The following FBN2 variants were observed in gnomAD, a reference collection of about 807,000 sequenced individuals.
FBN2 encodes the protein fibrillin 2.
Under a neutral mutation model 355.6 loss-of-function variants are expected in FBN2, and 105 were observed. The ratio of observed to expected loss-of-function variants is 0.30; its 90% CI spans 0.25 to 0.35. The LOEUF (loss-of-function observed/expected upper bound fraction) is 0.35, where lower values mean the gene tolerates loss of function less well. FBN2 is among the 10% of genes least tolerant of loss of function. FBN2 has a pLI of 1.00. For missense variants in FBN2, 3,280 were observed against 3,758.7 expected, an observed-to-expected ratio of 0.87 and a Z score of 3.33; for synonymous variants, 1,350 against 1,301.2, an observed-to-expected ratio of 1.04 and a Z score of -0.81.
chr5:128,446,542 G>C lies in FBN2; in HGVS notation c.891C>G (p.Gly297=), dbSNP rs539258943. The C allele has an allele frequency of 1.2e-6, 2 of 1,613,796 alleles. No individual in the cohort carries two copies. Among genetic ancestry groups the C allele is most frequent in the East Asian group, 2.2e-5 (1 of 44,856 alleles). The part of the protein sequence containing the change: ...CQGGNCINTV[G]SFECRCPAGH... The stretch of plus-strand genomic sequence containing the variant: ...CAGCAGGGCATCTGCATTCAAAAGA[G>C]CCCACTGTATTGATACAGTTTCCTC... The change falls in exon 7 of 65, where the codon GGC becomes GGG. Residue 297 remains glycine, a synonymous_variant. Coordinates refer to ENST00000262464, the MANE Select transcript of FBN2 (RefSeq NM_001999.4).
Position 128,277,788 on chromosome 5 carries a change from T to C in FBN2, c.7471+92A>G, listed in dbSNP as rs574125090. On this transcript the variant is annotated intron_variant, in intron 58 of 64. Coordinates refer to ENST00000262464, the MANE Select transcript of FBN2 (RefSeq NM_001999.4). ...ATAAAATATATATTCCAAAGCTCCA[T>C]AATAAAGACACTCTACTGATAATGA... is the stretch of plus-strand genomic sequence containing the variant. 3,007 of 1,350,140 alleles carry C rather than the reference T, an allele frequency of 2.2e-3. 5 individuals carry two copies. Among genetic ancestry groups the C allele is most frequent in the Non-Finnish European group, 2.8e-3 (2,621 of 941,322 alleles). 83.6% of individuals were successfully genotyped at this position (1,350,140 alleles called of 1,614,324 possible). A position where few individuals can be genotyped will look rare whatever the true frequency, so the allele number is the denominator to read the frequency against.
chr5:128,411,122 G>A (rs905907884), intron 7 of FBN2, among the ~76,000 whole-genome samples: 9 of 152,242 alleles, frequency 5.9e-5, no homozygotes, highest in Admixed American at 3.9e-4. Flanking sequence ...TGCTGGAGGG[G>A]AGCACACAGG....
Position 128,458,592 on chromosome 5 carries a change from A to G in FBN2, c.826+6132T>C, listed in dbSNP as rs1754471770. On this transcript the variant is annotated intron_variant, in intron 6 of 64. Transcript: ENST00000262464. ...GCAAATGCAAAAGAACTGAAATCAT[A>G]ACAGTCTCTCAGACCACAATGCAAT... is the stretch of plus-strand genomic sequence containing the variant. Among the ~76,000 whole-genome samples, 3 of 152,062 alleles carry G rather than the reference A, an allele frequency of 2.0e-5. No individual in the cohort carries two copies. In the South Asian group the frequency reaches 6.2e-4, roughly 31 times the overall value.
chr5:128,495,536 A>C (rs1755634192), intron 5 of FBN2, among the ~76,000 whole-genome samples: 1 of 152,174 alleles, frequency 6.6e-6, no homozygotes, highest in Admixed American at 6.5e-5. Context: ...ACAAAAAGAC[A>C]ACTGTCAACA....
chr5:128,408,991 C>A (rs1753002329), intron 7 of FBN2, among the ~76,000 whole-genome samples, 192 bp from the exon 8 acceptor site: 1 of 151,964 alleles, frequency 6.6e-6, no homozygotes, highest in Admixed American at 6.6e-5. Flanking sequence ...TGAAAGTAAA[C>A]TCCCATGGCA....
chr5:128,342,992 T>G (rs940417456), intron 25 of FBN2, among the ~76,000 whole-genome samples: 2 of 152,006 alleles, frequency 1.3e-5, no homozygotes, highest in African/African-American at 4.8e-5. Flanking sequence ...CCTCCCAAAG[T>G]GCTGGGGTTA....
intron 7 of FBN2, among the ~76,000 whole-genome samples, chr5:128,414,422 T>C (rs551734952): frequency 8.5e-5 from 13 of 152,322 alleles, no homozygotes; most frequent in African/African-American, 3.1e-4. Context: ...TAGTTTATGT[T>C]TTCAAGGTTC....
chr5:128,408,028 T>C (rs903532812), intron 8 of FBN2, among the ~76,000 whole-genome samples: 4 of 152,174 alleles, frequency 2.6e-5, no homozygotes, highest in Admixed American at 2.0e-4. Context: ...TTTTACCTAT[T>C]GTCAGCTTAA....
At chr5:128,491,736 T>G (rs116050516) in intron 5 of FBN2, among the ~76,000 whole-genome samples, 2,170 of 152,312 alleles carry the variant, frequency 0.014, 56 homozygotes, top group African/African-American at 0.048. Flanking sequence ...AAAGTCTACC[T>G]TGATGAATAA....
At chr5:128,479,966 CTCTCTCTCTCTATA>C (rs1755118439) in intron 5 of FBN2, among the ~76,000 whole-genome samples, 7 of 31,590 alleles carry the variant, frequency 2.2e-4, no homozygotes, top group Non-Finnish European at 2.8e-4. Context: ...CTCTCTCTCT[CTCTCTCTCTCTATA>C]TATATATATA....
intron 5 of FBN2, among the ~76,000 whole-genome samples, chr5:128,470,461 G>A (rs549508580): frequency 1.3e-5 from 2 of 152,228 alleles, no homozygotes; most frequent in East Asian, 3.9e-4. Context: ...TAAGAAAGAA[G>A]GTTTTTATTG....
At chr5:128,485,577 T>C (rs1367837844) in intron 5 of FBN2, among the ~76,000 whole-genome samples, 5 of 152,180 alleles carry the variant, frequency 3.3e-5, no homozygotes, top group South Asian at 2.1e-4. Flanking sequence ...TGGAGACTGA[T>C]AGCATTTATG....
intron 48 of FBN2, among the ~76,000 whole-genome samples, chr5:128,298,916 C>T (rs1749621599): frequency 6.6e-6 from 1 of 152,174 alleles, no homozygotes; most frequent in South Asian, 2.1e-4. Context: ...AGGCGCTCTG[C>T]TTTTTAGAGT....
intron 8 of FBN2, among the ~76,000 whole-genome samples, chr5:128,405,853 A>T (rs1752912145): frequency 6.6e-6 from 1 of 151,990 alleles, no homozygotes; most frequent in Admixed American, 6.6e-5. Flanking sequence ...CACAATAATA[A>T]CCTCACTTCC....
Position 128,537,531 on chromosome 5 carries a change from C to T in FBN2, c.73G>A (p.Gly25Ser), listed in dbSNP as rs763408652. Residue 25 changes from glycine (G) to serine (S), a missense_variant, in exon 1 of 65, where the codon GGC becomes AGC. This residue lies in a region of FBN2 where 203 missense variants were observed against 142.2 expected (regional missense o/e 1.43). Coordinates refer to ENST00000262464, the MANE Select transcript of FBN2 (RefSeq NM_001999.4). ...GGAGGCTGAGGCTGGCCGGCCGTGCCCTGCGCCCAGAGCACCACACAGCCC... is the reference window on the plus strand; with the variant it reads ...GGAGGCTGAGGCTGGCCGGCCGTGCTCTGCGCCCAGAGCACCACACAGCCC... Reference protein sequence around the residue: ...WLGCVVLWAQGTAGQPQPPPP... With the variant: ...WLGCVVLWAQSTAGQPQPPPP... 1 of 1,587,182 alleles carries T rather than the reference C, an allele frequency of 6.3e-7. No homozygotes were observed. The highest frequency in any genetic ancestry group is 8.6e-7 in the Non-Finnish European group (1 of 1,169,434).
At chr5:128,455,112 TC>T (rs1754347011) in intron 6 of FBN2, among the ~76,000 whole-genome samples, 1 of 152,034 alleles carries the variant, frequency 6.6e-6, no homozygotes, top group African/African-American at 2.4e-5. Flanking sequence ...AAAATGTCAC[TC>T]CTAATTAGAG....
Position 128,311,819 on chromosome 5 carries a change from G to A in FBN2, c.4948+66C>T, listed in dbSNP as rs371920924. On this transcript the variant is annotated intron_variant, in intron 38 of 64. Coordinates refer to ENST00000262464, the MANE Select transcript of FBN2 (RefSeq NM_001999.4). ...GGGGCTGCTCTGCCCTAGGTTTTCT[G>A]CCAGCTTTTCTCTATAATTAACTCT... 4.7e-5 allele frequency: 58 copies of A among 1,239,414 alleles called. 1 individual carries two copies. Among genetic ancestry groups the A allele is most frequent in the South Asian group, 4.4e-4 (36 of 82,258 alleles). 76.8% of individuals were successfully genotyped at this position (1,239,414 alleles called of 1,614,324 possible). A position where few individuals can be genotyped will look rare whatever the true frequency, so the allele number is the denominator to read the frequency against.
At chr5:128,357,740 G>A (rs747137920) in intron 19 of FBN2, among the ~76,000 whole-genome samples, 5 of 152,068 alleles carry the variant, frequency 3.3e-5, no homozygotes, top group Non-Finnish European at 7.4e-5. Flanking sequence ...ACAAACAAAG[G>A]TTGATTGCTT....
chr5:128,465,948 C>T (rs1021091436), intron 5 of FBN2, among the ~76,000 whole-genome samples: 4 of 152,174 alleles, frequency 2.6e-5, no homozygotes, highest in Non-Finnish European at 5.9e-5. Context: ...TAATATGCAC[C>T]TTGGAGTTTC....
Sources: gnomAD v4.1 joint callset for allele counts (sites outside exome capture counted in the v4.1 genomes callset) on GRCh38, gnomAD v4.1.1 for gene constraint, gnomAD v4.1.1 regional missense constraint, MANE v1.5 for transcripts, NCBI Gene and HGNC (gene_info 2026-07-23, HGNC 2026-07-21) for gene names.